The following XYLT1 variants were observed in gnomAD, a reference collection of about 807,000 sequenced individuals.
XYLT1 encodes beta-D-xylosyltransferase 1.
A neutral mutation model predicts 91.3 loss-of-function variants in XYLT1; 36 were observed. That is an observed-to-expected ratio of 0.39 (90% CI 0.30 to 0.52). The LOEUF (loss-of-function observed/expected upper bound fraction) is 0.52. Ranked by LOEUF, XYLT1 falls within the 20% of genes least tolerant of loss-of-function variation. XYLT1 has a pLI of 0.68. For missense variants in XYLT1, 1,242 were observed against 1,284.5 expected, an observed-to-expected ratio of 0.97 and a Z score of 0.51; for synonymous variants, 588 against 532.0, an observed-to-expected ratio of 1.11 and a Z score of -1.45.
intron 1 of XYLT1, among the ~76,000 whole-genome samples, chr16:17,464,036 A>T (rs1027120814): frequency 6.6e-6 from 1 of 152,228 alleles, no homozygotes; most frequent in African/African-American, 2.4e-5. Flanking sequence ...TAAAAAAAGT[A>T]GATGACAAGA....
intron 2 of XYLT1, among the ~76,000 whole-genome samples, chr16:17,267,382 C>T (rs916536712): frequency 5.8e-4 from 89 of 152,308 alleles, no homozygotes; most frequent in African/African-American, 2.0e-3. Context: ...AAGCTAGCGC[C>T]TTGTCACTTG....
intron 10 of XYLT1, among the ~76,000 whole-genome samples, chr16:17,118,785 A>T (rs1487972662): frequency 6.6e-6 from 1 of 151,776 alleles, no homozygotes; most frequent in Non-Finnish European, 1.5e-5. Flanking sequence ...AGCTCACCCC[A>T]TCCTCCATCT....
intron 2 of XYLT1, among the ~76,000 whole-genome samples, chr16:17,278,491 C>T (rs1163319507): frequency 1.3e-5 from 2 of 152,086 alleles, no homozygotes; most frequent in African/African-American, 2.4e-5. Flanking sequence ...TTTGACAAGG[C>T]GAGACTGGGA....
At chr16:17,364,582 G>A (rs1284027665) in intron 1 of XYLT1, among the ~76,000 whole-genome samples, 2 of 152,174 alleles carry the variant, frequency 1.3e-5, no homozygotes, top group East Asian at 1.9e-4. Flanking sequence ...GTAGATACGA[G>A]TGCAACCTAT....
chr16:17,180,692 C>T (rs1185074032), intron 5 of XYLT1, among the ~76,000 whole-genome samples: 12 of 152,184 alleles, frequency 7.9e-5, no homozygotes, highest in East Asian at 1.9e-4. Flanking sequence ...TGGCCTTCCC[C>T]TTCCCATTCT....
chr16:17,404,759 A>AG (rs2036009919), intron 1 of XYLT1, among the ~76,000 whole-genome samples: 1 of 151,992 alleles, frequency 6.6e-6, no homozygotes, highest in African/African-American at 2.4e-5. Context: ...ATATATTGAG[A>AG]CCCTGTCTCT....
intron 1 of XYLT1, among the ~76,000 whole-genome samples, chr16:17,413,982 C>G (rs1036179005): frequency 8.5e-5 from 13 of 152,296 alleles, no homozygotes; most frequent in Admixed American, 6.5e-4. Context: ...CCAAAGCCCT[C>G]CTGAAATTAT....
At chr16:17,247,308 T>C (rs1461695824) in intron 3 of XYLT1, among the ~76,000 whole-genome samples, 4 of 152,168 alleles carry the variant, frequency 2.6e-5, no homozygotes, top group African/African-American at 7.2e-5. Flanking sequence ...AAGAATTCTA[T>C]GTGCTCTTCG....
intron 3 of XYLT1, among the ~76,000 whole-genome samples, chr16:17,239,373 T>TTCATCCCATTCATCCATCCAC (rs2033304220): frequency 1.5e-5 from 2 of 134,216 alleles, no homozygotes; most frequent in Non-Finnish European, 3.4e-5. Flanking sequence ...TATCCATCCA[T>TTCATCCCATTCATCCATCCAC]TCATCCCATT....
chr16:17,226,721 T>C lies in XYLT1; in HGVS notation c.914-26067A>G, dbSNP rs528468744. ...TGGCTTGAGCCCAGGAGGCAGAGAT[T>C]GCAGTGAGCCGAGATCACACCACTG... On this transcript the variant is annotated intron_variant, in intron 3 of 11. Transcript: ENST00000261381. 4.7e-5 allele frequency among the ~76,000 whole-genome samples: 7 copies of C among 150,358 alleles called. No homozygotes were observed. The South Asian group carries it at 1.1e-3, about 23-fold the overall frequency.
intron 2 of XYLT1, among the ~76,000 whole-genome samples, chr16:17,326,641 G>C (rs2034806788): frequency 6.6e-6 from 1 of 151,950 alleles, no homozygotes; most frequent in Admixed American, 6.6e-5. Context: ...GGCTGAAACG[G>C]TGAAACCCCT....
At chr16:17,129,512 C>T (rs375236883) in intron 9 of XYLT1, among the ~76,000 whole-genome samples, 45 of 152,200 alleles carry the variant, frequency 3.0e-4, no homozygotes, top group Admixed American at 5.9e-4. Context: ...GTGATCCGCC[C>T]GCCTCGGCCT....
intron 1 of XYLT1, among the ~76,000 whole-genome samples, chr16:17,371,942 CA>C (rs933980700): frequency 1.3e-5 from 2 of 152,094 alleles, no homozygotes; most frequent in East Asian, 1.9e-4. Context: ...AACACCCCCC[CA>C]AAAAAAGTTG....
intron 3 of XYLT1, among the ~76,000 whole-genome samples, chr16:17,236,642 G>A (rs565847089): frequency 6.6e-6 from 1 of 152,288 alleles, no homozygotes; most frequent in South Asian, 2.1e-4. Context: ...GGCGTTGGCA[G>A]GGTTCGTTTC....
chr16:17,132,979 T>C (rs1215273118), intron 9 of XYLT1, among the ~76,000 whole-genome samples: 3 of 152,284 alleles, frequency 2.0e-5, no homozygotes, highest in Non-Finnish European at 2.9e-5. Context: ...GATACAAAAA[T>C]GATGAGTATT....
intron 5 of XYLT1, among the ~76,000 whole-genome samples, chr16:17,182,871 T>A (rs186269945): frequency 1.3e-5 from 2 of 152,136 alleles, no homozygotes; most frequent in African/African-American, 4.8e-5. Flanking sequence ...TTGGGGTTGT[T>A]CTTGCTAACG....
chr16:17,211,765 C>T lies in XYLT1; in HGVS notation c.914-11111G>A, dbSNP rs2032761436. On this transcript the variant is annotated intron_variant, in intron 3 of 11. Transcript: ENST00000261381. Reference sequence around the variant, plus strand: ...TCTTCACTCAGGCTCCCATGCTAAGCTTGATGGGAACCAAAGCCTCATGTT... The same window carrying T: ...TCTTCACTCAGGCTCCCATGCTAAGTTTGATGGGAACCAAAGCCTCATGTT... 2.0e-5 allele frequency among the ~76,000 whole-genome samples: 3 copies of T among 152,160 alleles called. No homozygotes were observed. The South Asian group carries it at 6.2e-4, about 31-fold the overall frequency.
At chr16:17,419,147 G>T (rs187911464) in intron 1 of XYLT1, among the ~76,000 whole-genome samples, 1 of 151,890 alleles carries the variant, frequency 6.6e-6, no homozygotes, top group East Asian at 2.0e-4. Context: ...AAGAGAGGGA[G>T]CCTGCTTCCT....
chr16:17,115,898 A>G (rs973326161), intron 11 of XYLT1, among the ~76,000 whole-genome samples: 1 of 150,488 alleles, frequency 6.6e-6, no homozygotes, highest in African/African-American at 2.4e-5. Flanking sequence ...GTGTCCACCA[A>G]TAGGGGAACA....
Sources: gnomAD v4.1 joint callset for allele counts (sites outside exome capture counted in the v4.1 genomes callset) on GRCh38, gnomAD v4.1.1 for gene constraint, MANE v1.5 for transcripts, NCBI Gene and HGNC (gene_info 2026-07-23, HGNC 2026-07-21) for gene names.